Variants in NFYA observed in about 807,000 individuals in gnomAD.
NFYA encodes CAAT-box DNA binding protein subunit A.
NFYA carries 28 observed loss-of-function variants against 52.8 expected under a neutral mutation model. The observed-to-expected ratio is 0.53, with a 90% CI of 0.39 to 0.73. NFYA has a LOEUF of 0.73. NFYA is among the 30% of genes least tolerant of loss of function. The pLI, the probability that NFYA is intolerant of heterozygous loss-of-function variation, is 0.00. For synonymous variants in NFYA, 150 were observed against 150.7 expected (o/e 1.00, Z 0.03); for missense variants, 234 against 427.0 (o/e 0.55, Z 3.98).
At chr6:41,095,628 A>G (rs56019985) in intron 9 of NFYA, among the ~76,000 whole-genome samples, 3 of 152,232 alleles carry the variant, frequency 2.0e-5, no homozygotes, top group Non-Finnish European at 4.4e-5. Context: ...ATGGAGTCTC[A>G]CTTTGTTGCC....
intron 3 of NFYA, among the ~76,000 whole-genome samples, chr6:41,081,387 G>C (rs1763900421): frequency 6.6e-6 from 1 of 152,144 alleles, no homozygotes; most frequent in Non-Finnish European, 1.5e-5. Flanking sequence ...CTACTTGGGA[G>C]GCTGGAGCAG....
At chr6:41,084,222 A>T in intron 4 of NFYA, 30 bp downstream of exon 4, 1 of 1,607,088 alleles carries the variant, frequency 6.2e-7, no homozygotes. Flanking sequence ...ATTGAGCAGT[A>T]TATCAGAGGA....
intron 5 of NFYA, 87 bp downstream of exon 5, chr6:41,089,797 T>G: frequency 1.3e-6 from 2 of 1,518,480 alleles, no homozygotes. Flanking sequence ...ATAGCATGTA[T>G]AGTAGAAAAG....
At chr6:41,096,227 A>T (rs1048211511) in intron 9 of NFYA, among the ~76,000 whole-genome samples, 1 of 152,194 alleles carries the variant, frequency 6.6e-6, no homozygotes, top group South Asian at 2.1e-4. Flanking sequence ...CAATCAAACT[A>T]GGTTTCCTCA....
At chr6:41,074,625 A>G (rs947067053) in intron 1 of NFYA, among the ~76,000 whole-genome samples, 3 of 152,250 alleles carry the variant, frequency 2.0e-5, no homozygotes, top group African/African-American at 7.2e-5. Flanking sequence ...GGAGGCAGGA[A>G]GATGGGATAG....
At chr6:41,082,398 A>G (rs1486754762) in intron 3 of NFYA, among the ~76,000 whole-genome samples, 1 of 152,220 alleles carries the variant, frequency 6.6e-6, no homozygotes, top group African/African-American at 2.4e-5. Context: ...TAGGAATGTA[A>G]CATGCTCTTA....
At chr6:41,092,529 G>C (rs1030740600) in intron 7 of NFYA, among the ~76,000 whole-genome samples, 1 of 152,178 alleles carries the variant, frequency 6.6e-6, no homozygotes, top group South Asian at 2.1e-4. Flanking sequence ...TGAATTATAA[G>C]TTAACTATTA....
Position 41,072,981 on chromosome 6 carries a change from A to C in NFYA, c.-165A>C, listed in dbSNP as rs1043403485. The C allele has an allele frequency of 6.4e-5, 10 of 155,090 alleles. No individual in the cohort carries two copies. The East Asian group carries it at 1.9e-3, about 30-fold the overall frequency. 9.6% of individuals were successfully genotyped at this position (155,090 alleles called of 1,614,324 possible). A position where few individuals can be genotyped will look rare whatever the true frequency, so the allele number is the denominator to read the frequency against. ...GTTCGGGTTCGCCATTTTGCTAGGC[A>C]GCGGCAGTGGCGGCGGCAGCGGCGG... On this transcript the variant is annotated 5_prime_UTR_variant, in exon 1 of 10. Coordinates refer to ENST00000341376, the MANE Select transcript of NFYA (RefSeq NM_002505.5).
At position 41,097,610 on chromosome 6, in the gene NFYA, T is replaced by C. The variant is rs1582040648; in HGVS notation, c.*200T>C. 1 of 567,558 alleles carries C rather than the reference T, an allele frequency of 1.8e-6. No homozygotes were observed. The highest frequency in any genetic ancestry group is 3.2e-6 in the Non-Finnish European group (1 of 317,214). The allele number at this position is 567,558 out of a possible 1,614,324, so 35.2% of individuals were successfully genotyped here. On this transcript the variant is annotated 3_prime_UTR_variant, in exon 10 of 10. Transcript: ENST00000341376. ...GAAGTTGCAAGCCTTTGTCTTACTC[T>C]TTCAGTCAGGACCTATTTCAGACTG...
rs373505387 is a variant in NFYA, at chr6:41,081,174, T to G, written c.162+277T>G. 2.0e-4 allele frequency among the ~76,000 whole-genome samples: 31 copies of G among 152,284 alleles called. No homozygotes were observed. The East Asian group carries it at 4.4e-3, about 22-fold the overall frequency. Reference sequence around the variant, plus strand: ...AATGGTATAAGTGACAGGAAGAAATTCTTATAAGTGACATTAGAATTTATT... The same window carrying G: ...AATGGTATAAGTGACAGGAAGAAATGCTTATAAGTGACATTAGAATTTATT... On this transcript the variant is annotated intron_variant, in intron 3 of 9. Coordinates refer to ENST00000341376, the MANE Select transcript of NFYA (RefSeq NM_002505.5).
At chr6:41,073,287 C>T (rs1209287337) in intron 1 of NFYA, among the ~76,000 whole-genome samples, 1 of 151,652 alleles carries the variant, frequency 6.6e-6, no homozygotes, top group Non-Finnish European at 1.5e-5. Context: ...CTGCAGGGGC[C>T]GCCCCGCGCG....
At chr6:41,082,527 A>T (rs1196860714) in intron 3 of NFYA, among the ~76,000 whole-genome samples, 1 of 152,212 alleles carries the variant, frequency 6.6e-6, no homozygotes, top group African/African-American at 2.4e-5. Flanking sequence ...TCAATTGGGG[A>T]GGAAATTAAG....
rs545863589 is a variant in NFYA, at chr6:41,076,841, T to C, written c.-61-2188T>C. Among the ~76,000 whole-genome samples the C allele has an allele frequency of 1.7e-4, 26 of 152,328 alleles. No individual in the cohort carries two copies. In the East Asian group the frequency reaches 2.7e-3, roughly 16 times the overall value. Reference sequence around the variant, plus strand: ...TGAAGCTCACAGTAGTAGGAACATATGACTTTACTGAAGCCAGTTGCTTAT... The same window carrying C: ...TGAAGCTCACAGTAGTAGGAACATACGACTTTACTGAAGCCAGTTGCTTAT... On this transcript the variant is annotated intron_variant, in intron 1 of 9. Transcript: ENST00000341376.
intron 1 of NFYA, among the ~76,000 whole-genome samples, chr6:41,073,565 C>T (rs1348147120): frequency 1.3e-5 from 2 of 151,940 alleles, no homozygotes; most frequent in African/African-American, 2.4e-5. Context: ...GGCCCGCGCC[C>T]CCCGCTCCCC....
chr6:41,073,598 C>T (rs975348774), intron 1 of NFYA, among the ~76,000 whole-genome samples: 1 of 152,128 alleles, frequency 6.6e-6, no homozygotes, highest in Non-Finnish European at 1.5e-5. Context: ...CCGGGTCTGT[C>T]TTATCTGCAG....
intron 1 of NFYA, among the ~76,000 whole-genome samples, chr6:41,077,282 G>A (rs929154213): frequency 2.6e-5 from 4 of 152,052 alleles, no homozygotes; most frequent in Non-Finnish European, 4.4e-5. Context: ...GTATTTTGAT[G>A]AGTTTTGACA....
chr6:41,080,480 C>T (rs891114622), intron 2 of NFYA, among the ~76,000 whole-genome samples: 1 of 152,010 alleles, frequency 6.6e-6, no homozygotes, highest in Non-Finnish European at 1.5e-5. Context: ...GTGAACTCAT[C>T]TGAGGAGATA....
At position 41,094,493 on chromosome 6, in the gene NFYA, T is replaced by A; in HGVS notation, c.986T>A (p.Met329Lys). Residue 329 changes from methionine (M) to lysine (K), a missense_variant, in exon 9 of 10, where the codon ATG becomes AAG. Transcript: ENST00000341376. Reference sequence around the variant, plus strand: ...CCAAAGGAAAAGGATAGTCCCCATATGCAGGTAGGAAGACATATACATTTT... The same window carrying A: ...CCAAAGGAAAAGGATAGTCCCCATAAGCAGGTAGGAAGACATATACATTTT... The part of the protein sequence containing the change: ...FSPKEKDSPH[M>K]QDPNQADEEA... The A allele has an allele frequency of 1.2e-6, 2 of 1,612,530 alleles. No homozygotes were observed. The highest frequency in any genetic ancestry group is 1.7e-6 in the Non-Finnish European group (2 of 1,178,476).
At chr6:41,089,944 C>T (rs1764156426) in intron 5 of NFYA, among the ~76,000 whole-genome samples, 2 of 151,962 alleles carry the variant, frequency 1.3e-5, no homozygotes, top group South Asian at 4.1e-4. Context: ...ATGGTGAAGC[C>T]CCGTCAAAAT....
Sources: allele counts gnomAD v4.1 joint callset (sites outside exome capture counted in the v4.1 genomes callset), GRCh38; gene constraint gnomAD v4.1.1; transcripts MANE v1.5; gene names NCBI Gene and HGNC (gene_info 2026-07-23, HGNC 2026-07-21).